Variants in HES7 observed in about 807,000 individuals in gnomAD.
The protein encoded by HES7 is transcription factor HES-7.
HES7 carries 8 observed loss-of-function variants against 18.0 expected under a neutral mutation model. That is an observed-to-expected ratio of 0.45 (90% CI 0.26 to 0.80). The LOEUF (loss-of-function observed/expected upper bound fraction) is 0.80, where lower values mean the gene tolerates loss of function less well. HES7 is among the 30% of genes least tolerant of loss of function. The pLI is 0.18. For synonymous variants in HES7, 170 were observed against 158.6 expected, an observed-to-expected ratio of 1.07 and a Z score of -0.54; for missense variants, 356 against 340.9, an observed-to-expected ratio of 1.04 and a Z score of -0.35.
upstream of HES7, among the ~76,000 whole-genome samples, chr17:8,126,025 T>A (rs532742674): frequency 7.9e-5 from 9 of 114,036 alleles, no homozygotes; most frequent in African/African-American, 3.0e-4. Context: ...CACACCCCCC[T>A]CCCTCCGTCC....
Position 8,123,081 on chromosome 17 carries a change from G to A in HES7, c.88C>T (p.Arg30Cys), listed in dbSNP as rs368880766. Residue 30 changes from arginine to cysteine, a missense_variant, in exon 2 of 4, where the codon CGC becomes TGC. Coordinates refer to ENST00000541682, the MANE Select transcript of HES7 (RefSeq NM_001165967.2). This position sits in a 1 kb window ranked among gnomAD's most constrained non-coding sequence, Gnocchi z 5.9. The stretch of plus-strand genomic sequence containing the variant: ...AGCAGCCTCAGCTCTTCCAGGCTGC[G>A]GTTGATGCGGTCCCGGCGCCGCTTC... ...VEKRRRDRIN[R>C]SLEELRLLLL... 1.2e-6 allele frequency: 2 copies of A among 1,607,374 alleles called. No homozygotes were observed. The highest frequency in any genetic ancestry group is 1.1e-5 in the South Asian group (1 of 89,758).
At position 8,121,827 on chromosome 17, in the gene HES7, G is replaced by T. The variant is rs752201429; in HGVS notation, c.437C>A (p.Pro146Gln). ...PRPKPVDPRP[P>Q]APRPSLDPAA... ...GGGGTCCAGGGATGGGCGCGGCGCT[G>T]GAGGCCTCGGATCTACCGGCTTGGG... The change falls in exon 4 of 4, where the codon CCA (proline) becomes CAA (glutamine). Residue 146 changes from proline to glutamine, a missense_variant. By Grantham distance (76) the Pro-to-Gln change is moderately conservative. Transcript: ENST00000541682. The T allele has an allele frequency of 6.4e-7, 1 of 1,569,592 alleles. No homozygotes were observed. Among genetic ancestry groups the T allele is most frequent in the Non-Finnish European group, 8.6e-7 (1 of 1,168,512 alleles).
chr17:8,123,667 AGCCCC>A lies in HES7; in HGVS notation c.42+371_42+375del, dbSNP rs934354164. Among the ~76,000 whole-genome samples the A allele has an allele frequency of 2.0e-5, 3 of 152,202 alleles. No individual in the cohort carries two copies. Among genetic ancestry groups the A allele is most frequent in the African/African-American group, 7.2e-5 (3 of 41,442 alleles). ...CTTCTGTACAAGACCGCCTTGGGCC[AGCCCC>A]GCCCGGCTCACAGCCAGAGTGGAGC... On this transcript the variant is annotated intron_variant, in intron 1 of 3. Transcript: ENST00000541682. This position sits in a 1 kb window ranked among gnomAD's most constrained non-coding sequence, Gnocchi z 5.9.
chr17:8,122,014 G>A lies in HES7; in HGVS notation c.250C>T (p.Arg84Trp). 1.3e-6 allele frequency: 2 copies of A among 1,522,178 alleles called. No individual in the cohort carries two copies. Among genetic ancestry groups the A allele is most frequent in the African/African-American group, 1.4e-5 (1 of 70,472 alleles). 94.3% of individuals were successfully genotyped at this position (1,522,178 alleles called of 1,614,324 possible). ...GCCTCGGCGTCCTGGACTGGGGACC[G>A]GGGAACCCCTGGAGCCGCGGCGGCT... ...PPAAAAPGVP[R>W]SPVQDAEALA... Residue 84 changes from arginine (R) to tryptophan (W), a missense_variant, in exon 4 of 4, where the codon CGG becomes TGG. Physicochemically the swap from Arg to Trp is moderately radical, Grantham distance 101. Coordinates refer to ENST00000541682, the MANE Select transcript of HES7 (RefSeq NM_001165967.2). The surrounding 1 kb of genome is among the most constrained non-coding windows in gnomAD (Gnocchi z 6.9).
Position 8,123,203 on chromosome 17 carries a change from G to T in HES7, c.43-77C>A. The T allele has an allele frequency of 1.7e-6, 2 of 1,175,862 alleles. No individual in the cohort carries two copies. The highest frequency in any genetic ancestry group is 2.5e-6 in the Non-Finnish European group (2 of 812,992). 72.8% of individuals were successfully genotyped at this position (1,175,862 alleles called of 1,614,324 possible). A position where few individuals can be genotyped will look rare whatever the true frequency, so the allele number is the denominator to read the frequency against. On this transcript the variant is annotated intron_variant, in intron 1 of 3. Coordinates refer to ENST00000541682, the MANE Select transcript of HES7 (RefSeq NM_001165967.2). This position sits in a 1 kb window ranked among gnomAD's most constrained non-coding sequence, Gnocchi z 5.9. ...GGCCGCCCCGGCGTCGGATCCCGCC[G>T]CTGGGAGAGCCCGGCTTCCACCCCG...
chr17:8,121,480 C>T lies in HES7; in HGVS notation c.*91G>A. ...GCGCGCCCCACTGCCCTCCCCAACA[C>T]CTGCTCGCCCGGACGCCCGGGTCCC... is the stretch of plus-strand genomic sequence containing the variant. On this transcript the variant is annotated 3_prime_UTR_variant, in exon 4 of 4. Transcript: ENST00000541682. The T allele has an allele frequency of 2.6e-6, 3 of 1,173,864 alleles. No homozygotes were observed. The highest frequency in any genetic ancestry group is 3.2e-6 in the Non-Finnish European group (3 of 926,128). 72.7% of individuals were successfully genotyped at this position (1,173,864 alleles called of 1,614,324 possible).
upstream of HES7, chr17:8,124,200 C>T: frequency 1.6e-6 from 2 of 1,270,212 alleles, no homozygotes; most frequent in Non-Finnish European, 2.3e-6. Flanking sequence ...CCAGATTCTG[C>T]CCCTCTAGGA....
rs1057492958 is a variant in HES7, at chr17:8,123,228, G to C, written c.43-102C>G. 1.2e-4 allele frequency: 107 copies of C among 892,954 alleles called. No individual in the cohort carries two copies. Among genetic ancestry groups the C allele is most frequent in the Non-Finnish European group, 1.8e-4 (103 of 558,536 alleles). 55.3% of individuals were successfully genotyped at this position (892,954 alleles called of 1,614,324 possible). ...GCTGGGAGAGCCCGGCTTCCACCCCGGCCACAAGACCCCAGATTGCCTAGG... is the reference window on the plus strand; with the variant it reads ...GCTGGGAGAGCCCGGCTTCCACCCCCGCCACAAGACCCCAGATTGCCTAGG... On this transcript the variant is annotated intron_variant, in intron 1 of 3. Transcript: ENST00000541682. The surrounding 1 kb of genome is among the most constrained non-coding windows in gnomAD (Gnocchi z 5.9).
chr17:8,120,949 C>A lies in HES7; in HGVS notation c.*622G>T, dbSNP rs766591866. Reference sequence around the variant, plus strand: ...TGGCTCTGTGGCGCAATGGATAGCGCATTGGACTTCTAGTGACGAATAGAG... The same window carrying A: ...TGGCTCTGTGGCGCAATGGATAGCGAATTGGACTTCTAGTGACGAATAGAG... On this transcript the variant is annotated 3_prime_UTR_variant, in exon 4 of 4. Coordinates refer to ENST00000541682, the MANE Select transcript of HES7 (RefSeq NM_001165967.2). The A allele has an allele frequency of 6.5e-6, 1 of 152,726 alleles. No individual in the cohort carries two copies. The highest frequency in any genetic ancestry group is 6.5e-5 in the Admixed American group (1 of 15,290). The allele number at this position is 152,726 out of a possible 1,614,324, so 9.5% of individuals were successfully genotyped here.
upstream of HES7, among the ~76,000 whole-genome samples, chr17:8,124,922 A>C (rs147109070): frequency 1.3e-3 from 191 of 152,294 alleles, no homozygotes; most frequent in African/African-American, 4.2e-3. Flanking sequence ...CAAGTATTTG[A>C]TTCAAAACTA....
upstream of HES7, among the ~76,000 whole-genome samples, chr17:8,125,758 C>T (rs766229572): frequency 7.2e-5 from 11 of 152,210 alleles, no homozygotes; most frequent in Non-Finnish European, 1.3e-4. Context: ...ATTGGTGGTT[C>T]AGTGGTAGAA....
At position 8,121,766 on chromosome 17, in the gene HES7, G is replaced by A. The variant is rs1282458164; in HGVS notation, c.498C>T (p.Arg166=). 4 of 1,512,782 alleles carry A rather than the reference G, an allele frequency of 2.6e-6. No individual in the cohort carries two copies. Among genetic ancestry groups the A allele is most frequent in the South Asian group, 2.5e-5 (2 of 80,198 alleles). The allele number at this position is 1,512,782 out of a possible 1,614,324, so 93.7% of individuals were successfully genotyped here. Residue 166 remains arginine (R), a synonymous_variant, in exon 4 of 4, where the codon CGC becomes CGT. Coordinates refer to ENST00000541682, the MANE Select transcript of HES7 (RefSeq NM_001165967.2). ...APALGPALHQ[R]PPVHQGHPSP... is the part of the protein sequence containing the mutation. Reference sequence around the variant, plus strand: ...TAGGGTGGCCCTGGTGCACTGGGGGGCGCTGGTGCAGCGCAGGGCCAAGGG... The same window carrying A: ...TAGGGTGGCCCTGGTGCACTGGGGGACGCTGGTGCAGCGCAGGGCCAAGGG...
At chr17:8,125,207 GAC>G (rs1981547737), upstream of HES7, among the ~76,000 whole-genome samples, 1 of 152,214 alleles carries the variant, frequency 6.6e-6, no homozygotes, top group Admixed American at 6.5e-5. Context: ...CAGGGATAAA[GAC>G]ACGGAAAGAC....
In HES7 at chr17:8,121,530, C is replaced by G. The variant is rs1201611001; in HGVS notation, c.*41G>C. ...CTCTGCTGCCCTCGGGCTGGAGTCT[C>G]TACCCCACCCCTAGACCCCGCCCCC... is the stretch of plus-strand genomic sequence containing the variant. On this transcript the variant is annotated 3_prime_UTR_variant, in exon 4 of 4. Coordinates refer to ENST00000541682, the MANE Select transcript of HES7 (RefSeq NM_001165967.2). 2 of 1,282,306 alleles carry G rather than the reference C, an allele frequency of 1.6e-6. No individual in the cohort carries two copies. The highest frequency in any genetic ancestry group is 2.0e-6 in the Non-Finnish European group (2 of 1,019,300). The allele number at this position is 1,282,306 out of a possible 1,614,324, so 79.4% of individuals were successfully genotyped here. A position where few individuals can be genotyped will look rare whatever the true frequency, so the allele number is the denominator to read the frequency against.
At chr17:8,125,328 T>C (rs527817833), upstream of HES7, among the ~76,000 whole-genome samples, 12 of 152,286 alleles carry the variant, frequency 7.9e-5, no homozygotes, top group Admixed American at 7.8e-4. Context: ...GAAGCCTTTC[T>C]TGCCATCATA....
rs1981434633 is a variant in HES7, at chr17:8,122,966, C to T, written c.138+65G>A. 2 of 1,318,518 alleles carry T rather than the reference C, an allele frequency of 1.5e-6. No individual in the cohort carries two copies. The highest frequency in any genetic ancestry group is 2.1e-6 in the Non-Finnish European group (2 of 934,000). 81.7% of individuals were successfully genotyped at this position (1,318,518 alleles called of 1,614,324 possible). A position where few individuals can be genotyped will look rare whatever the true frequency, so the allele number is the denominator to read the frequency against. On this transcript the variant is annotated intron_variant, in intron 2 of 3. Transcript: ENST00000541682. This position sits in a 1 kb window ranked among gnomAD's most constrained non-coding sequence, Gnocchi z 6.9. Reference sequence around the variant, plus strand: ...GCCAACCAAGCTTGTGTCCCCACCCCAGTGGGAAGCCCTGGGACGCGGAAA... The same window carrying T: ...GCCAACCAAGCTTGTGTCCCCACCCTAGTGGGAAGCCCTGGGACGCGGAAA...
Position 8,122,549 on chromosome 17 carries a change from G to T in HES7, c.139-119C>A, listed in dbSNP as rs1285253844. The T allele has an allele frequency of 1.2e-5, 9 of 740,100 alleles. No homozygotes were observed. The East Asian group carries it at 1.3e-4, about 11-fold the overall frequency. 45.8% of individuals were successfully genotyped at this position (740,100 alleles called of 1,614,324 possible). A position where few individuals can be genotyped will look rare whatever the true frequency, so the allele number is the denominator to read the frequency against. On this transcript the variant is annotated intron_variant, in intron 2 of 3. Coordinates refer to ENST00000541682, the MANE Select transcript of HES7 (RefSeq NM_001165967.2). The surrounding 1 kb of genome is among the most constrained non-coding windows in gnomAD (Gnocchi z 6.9). ...TGGTGGTGCCCCCGATCGCATTTGC[G>T]CACTGCCCACAGAACGCGCGACCAA...
chr17:8,122,833 T>C lies in HES7; in HGVS notation c.138+198A>G, dbSNP rs1981429235. Among the ~76,000 whole-genome samples, 1 of 151,988 alleles carries C rather than the reference T, an allele frequency of 6.6e-6. No individual in the cohort carries two copies. Among genetic ancestry groups the C allele is most frequent in the Non-Finnish European group, 1.5e-5 (1 of 67,996 alleles). On this transcript the variant is annotated intron_variant, in intron 2 of 3. Transcript: ENST00000541682. This position sits in a 1 kb window ranked among gnomAD's most constrained non-coding sequence, Gnocchi z 6.9. ...AAATTTACAGAACCAGGCGTGAAAC[T>C]TACAGACCCGAGGGGTGGCGAAGAA...
chr17:8,126,624 G>T (rs1981616716), upstream of HES7, among the ~76,000 whole-genome samples: 1 of 152,224 alleles, frequency 6.6e-6, no homozygotes, highest in East Asian at 1.9e-4. Context: ...GCGACCACTT[G>T]TGAGCGGGGC....
Sources: gnomAD v4.1 joint callset for allele counts (sites outside exome capture counted in the v4.1 genomes callset) on GRCh38, gnomAD v4.1.1 for gene constraint, Gnocchi (gnomAD v3.1) non-coding constraint, MANE v1.5 for transcripts, NCBI Gene and HGNC (gene_info 2026-07-23, HGNC 2026-07-21) for gene names.